The following IGHMBP2 variants were observed in gnomAD, a reference collection of about 807,000 sequenced individuals.
IGHMBP2 encodes the protein DNA-binding protein SMUBP-2.
IGHMBP2 carries 81 observed loss-of-function variants against 96.0 expected under a neutral mutation model. That is an observed-to-expected ratio of 0.84 (90% CI 0.71 to 1.01). The LOEUF (loss-of-function observed/expected upper bound fraction) is 1.01, where lower values mean the gene tolerates loss of function less well. Among genes scored for constraint, IGHMBP2 ranks in the 50% least tolerant of loss-of-function variants. The pLI is 0.00. For synonymous variants in IGHMBP2, 557 were observed against 548.9 expected (o/e 1.01, Z -0.21); for missense variants, 1,227 against 1,306.3 (o/e 0.94, Z 0.94).
chr11:68,927,117 C>G (rs1859101382), intron 7 of IGHMBP2, among the ~76,000 whole-genome samples: 1 of 152,182 alleles, frequency 6.6e-6, no homozygotes, highest in South Asian at 2.1e-4. Flanking sequence ...ATTTTCCTGA[C>G]TCTCTACGTG....
At chr11:68,911,170 A>G (rs1445278107) in intron 4 of IGHMBP2, among the ~76,000 whole-genome samples, 1 of 152,152 alleles carries the variant, frequency 6.6e-6, no homozygotes, top group Non-Finnish European at 1.5e-5. Flanking sequence ...TGTAGACGGT[A>G]TGTAAATCAA....
At chr11:68,913,530 G>C (rs1420091522) in intron 5 of IGHMBP2, among the ~76,000 whole-genome samples, 1 of 152,000 alleles carries the variant, frequency 6.6e-6, no homozygotes, top group African/African-American at 2.4e-5. Context: ...ATGTTGTCCA[G>C]GGTGGTCTTA....
chr11:68,922,748 G>A (rs548143472), intron 7 of IGHMBP2, among the ~76,000 whole-genome samples: 2 of 152,272 alleles, frequency 1.3e-5, no homozygotes, highest in Admixed American at 1.3e-4. Context: ...CCTCTTAAAT[G>A]TTTAAGTGTA....
At chr11:68,929,735 C>G in intron 8 of IGHMBP2, 1 of 985,402 alleles carries the variant, frequency 1.0e-6, no homozygotes, top group Non-Finnish European at 1.2e-6. Context: ...GTTCTTTAGT[C>G]TTCAATCTGT....
intron 2 of IGHMBP2, 117 bp downstream of exon 2, chr11:68,906,355 G>T (rs1438694375): frequency 1.4e-5 from 16 of 1,132,184 alleles, no homozygotes; most frequent in South Asian, 2.5e-5. Flanking sequence ...TTGCAATGAA[G>T]AACTCTTAAT....
chr11:68,906,628 C>A (rs1268838412), intron 2 of IGHMBP2, among the ~76,000 whole-genome samples: 1 of 148,224 alleles, frequency 6.7e-6, no homozygotes, highest in African/African-American at 2.5e-5. Flanking sequence ...AAATAATTTA[C>A]CCATTTCTTT....
intron 8 of IGHMBP2, 157 bp from the exon 9 acceptor site, chr11:68,933,142 G>A: frequency 1.4e-6 from 1 of 714,990 alleles, no homozygotes; most frequent in Non-Finnish European, 2.4e-6. Context: ...CTTTGGGGCT[G>A]TGATTCAGCC....
intron 14 of IGHMBP2, 46 bp downstream of exon 14, chr11:68,938,400 T>G (rs1594458689): frequency 6.5e-7 from 1 of 1,540,226 alleles, no homozygotes; most frequent in Admixed American, 1.9e-5. Context: ...GGAGGGGTGG[T>G]GGGTTCCGTC....
In IGHMBP2 at chr11:68,939,759, A is replaced by C; in HGVS notation, c.*28A>C. 6.3e-7 allele frequency: 1 copy of C among 1,581,330 alleles called. No homozygotes were observed. Among genetic ancestry groups the C allele is most frequent in the Non-Finnish European group, 8.6e-7 (1 of 1,164,106 alleles). On this transcript the variant is annotated 3_prime_UTR_variant, in exon 15 of 15. Transcript: ENST00000255078. ...GGCCGCATCCTTGCACGCCCCGCGG[A>C]GCTCTCTCCATGGTAGCCCAGGGCG...
In IGHMBP2 at chr11:68,936,265, G is replaced by C; in HGVS notation, c.1785G>C (p.Arg595=). The C allele has an allele frequency of 6.2e-7, 1 of 1,614,182 alleles. No homozygotes were observed. ...KGEVGFLAED[R]RINVAVTRAR... is the part of the protein sequence containing the mutation. ...AAGTTGGTTTTCTTGCTGAGGACCG[G>C]AGGATCAACGTGGCTGTCACCCGTG... The change falls in exon 13 of 15, where the codon CGG becomes CGC. Residue 595 remains arginine (R), a synonymous_variant. Coordinates refer to ENST00000255078, the MANE Select transcript of IGHMBP2 (RefSeq NM_002180.3).
At chr11:68,911,257 G>C (rs1425487722) in intron 4 of IGHMBP2, among the ~76,000 whole-genome samples, 183 bp from the exon 5 acceptor site, 2 of 152,174 alleles carry the variant, frequency 1.3e-5, no homozygotes, top group Non-Finnish European at 2.9e-5. Flanking sequence ...GCCGATTCCT[G>C]TTCAAGGAGA....
intron 8 of IGHMBP2, chr11:68,932,703 T>A (rs1859359972): frequency 6.1e-6 from 1 of 163,414 alleles, no homozygotes; most frequent in South Asian, 1.7e-4. Flanking sequence ...CTGTTATGGC[T>A]GTGACAAATG....
chr11:68,927,309 T>C (rs935316556), intron 7 of IGHMBP2, among the ~76,000 whole-genome samples: 1 of 152,260 alleles, frequency 6.6e-6, no homozygotes, highest in Admixed American at 6.5e-5. Flanking sequence ...TAAAGTCTAA[T>C]ACAACTTAGT....
At chr11:68,933,689 T>A in intron 9 of IGHMBP2, 106 bp from the exon 10 acceptor site, 1 of 1,046,704 alleles carries the variant, frequency 9.6e-7, no homozygotes, top group Non-Finnish European at 1.5e-6. Flanking sequence ...CTCATTGTCC[T>A]CCCCTACCTA....
chr11:68,933,836 C>T lies in IGHMBP2; in HGVS notation c.1460C>T (p.Pro487Leu). 8 of 1,612,096 alleles carry T rather than the reference C, an allele frequency of 5.0e-6. No individual in the cohort carries two copies. Among genetic ancestry groups the T allele is most frequent in the Non-Finnish European group, 5.1e-6 (6 of 1,179,288 alleles). Residue 487 changes from proline (P) to leucine (L), a missense_variant, in exon 10 of 15, where the codon CCC (proline) becomes CTC (leucine). Physicochemically the swap from Pro to Leu is moderately conservative, Grantham distance 98. Coordinates refer to ENST00000255078, the MANE Select transcript of IGHMBP2 (RefSeq NM_002180.3). ...GCTGCCACAGAAGAGACGGGTGTGCCCCTGCTCTTGGTGGACACCGCCGGC... is the reference window on the plus strand; with the variant it reads ...GCTGCCACAGAAGAGACGGGTGTGCTCCTGCTCTTGGTGGACACCGCCGGC... Reference protein sequence around the residue: ...GVAATEETGVPLLLVDTAGCG... With the variant: ...GVAATEETGVLLLLVDTAGCG...
rs1858283615 is a variant in IGHMBP2, at chr11:68,908,279, G to C, written c.391G>C (p.Glu131Gln). The C allele has an allele frequency of 6.2e-7, 1 of 1,614,158 alleles. No individual in the cohort carries two copies. Among genetic ancestry groups the C allele is most frequent in the Admixed American group, 1.7e-5 (1 of 60,012 alleles). ...CGATTTCCAGTTGAGCTTGGACCGA[G>C]AGAATTCCTACAGACTGTTAAAACT... Reference protein sequence around the residue: ...SHDFQLSLDRENSYRLLKLAN... With the variant: ...SHDFQLSLDRQNSYRLLKLAN... The change falls in exon 3 of 15, where the codon GAG becomes CAG. Residue 131 changes from glutamate to glutamine, a missense_variant. By Grantham distance (29) the Glu-to-Gln change is conservative (BLOSUM62 2). Around this residue, in one of 3 missense-constraint regions of IGHMBP2, gnomAD observed 507 missense variants for 496.9 expected, o/e 1.02. Coordinates refer to ENST00000255078, the MANE Select transcript of IGHMBP2 (RefSeq NM_002180.3).
At chr11:68,938,036 G>A (rs513615) in intron 13 of IGHMBP2, 146 bp from the exon 14 acceptor site, 5 of 835,756 alleles carry the variant, frequency 6.0e-6, no homozygotes, top group South Asian at 1.4e-5. Context: ...ACTCCTGGCC[G>A]CAAGCAGTCC....
chr11:68,938,444 G>A, intron 14 of IGHMBP2, 90 bp downstream of exon 14: 1 of 1,180,432 alleles, frequency 8.5e-7, no homozygotes, highest in East Asian at 2.6e-5. Flanking sequence ...ACTTGTTCCA[G>A]TCGGAACAGT....
intron 7 of IGHMBP2, among the ~76,000 whole-genome samples, chr11:68,928,582 A>G (rs899139321): frequency 2.0e-5 from 3 of 152,200 alleles, no homozygotes; most frequent in African/African-American, 4.8e-5. Context: ...ATCTCATGAC[A>G]TGCAGTCATT....
Sources: gnomAD v4.1 joint callset for allele counts (sites outside exome capture counted in the v4.1 genomes callset) on GRCh38, gnomAD v4.1.1 for gene constraint, gnomAD v4.1.1 regional missense constraint, MANE v1.5 for transcripts, NCBI Gene and HGNC (gene_info 2026-07-23, HGNC 2026-07-21) for gene names.